The following FCHSD2 variants were observed in gnomAD, a reference collection of about 807,000 sequenced individuals.
The protein encoded by FCHSD2 is FCH and double SH3 domains 2.
In FCHSD2, 38 loss-of-function variants were observed where a neutral mutation model predicts 108.1. That is an observed-to-expected ratio of 0.35 (90% CI 0.27 to 0.46). The LOEUF is 0.46. FCHSD2 is among the 20% of genes least tolerant of loss of function. FCHSD2 has a pLI of 1.00. For synonymous variants in FCHSD2, 279 were observed against 314.7 expected (o/e 0.89, Z 1.20); for missense variants, 751 against 897.8 (o/e 0.84, Z 2.09).
At chr11:72,999,567 G>A (rs745683935) in intron 5 of FCHSD2, among the ~76,000 whole-genome samples, 7 of 151,982 alleles carry the variant, frequency 4.6e-5, no homozygotes, top group African/African-American at 1.5e-4. Flanking sequence ...TGATCCACCC[G>A]GCTTGGCCAT....
At chr11:73,088,530 G>A (rs1438509671) in intron 2 of FCHSD2, among the ~76,000 whole-genome samples, 2 of 151,872 alleles carry the variant, frequency 1.3e-5, no homozygotes, top group African/African-American at 4.8e-5. Context: ...TGGTATTATA[G>A]GCTTCCTTTA....
intron 2 of FCHSD2, among the ~76,000 whole-genome samples, chr11:73,118,116 C>T (rs971916475): frequency 6.6e-6 from 1 of 152,142 alleles, no homozygotes; most frequent in African/African-American, 2.4e-5. Context: ...CACGCATTCC[C>T]GAGACCAGCC....
intron 10 of FCHSD2, among the ~76,000 whole-genome samples, chr11:72,894,806 T>G (rs2135259876): frequency 6.6e-6 from 1 of 152,318 alleles, no homozygotes; most frequent in Non-Finnish European, 1.5e-5. Flanking sequence ...TTATTTATAG[T>G]TTTTTCTTTC....
At position 73,113,687 on chromosome 11, in the gene FCHSD2, A is replaced by T. The variant is rs1357043430; in HGVS notation, c.119+26344T>A. Among the ~76,000 whole-genome samples, 3 of 152,118 alleles carry T rather than the reference A, an allele frequency of 2.0e-5. No homozygotes were observed. In the East Asian group the frequency reaches 5.8e-4, roughly 29 times the overall value. ...CTTGTTTGTACCCGTCCTTCTTGGGAAAGTTTTCCAGGCATTTGAAGAAAC... is the reference window on the plus strand; with the variant it reads ...CTTGTTTGTACCCGTCCTTCTTGGGTAAGTTTTCCAGGCATTTGAAGAAAC... On this transcript the variant is annotated intron_variant, in intron 2 of 19. Coordinates refer to ENST00000409418, the MANE Select transcript of FCHSD2 (RefSeq NM_014824.3).
intron 3 of FCHSD2, among the ~76,000 whole-genome samples, chr11:73,076,132 A>G (rs1859545609): frequency 6.6e-6 from 1 of 152,198 alleles, no homozygotes; most frequent in Non-Finnish European, 1.5e-5. Context: ...AAAACAAACA[A>G]AAAAATGTTA....
chr11:73,093,831 C>T (rs1470451631), intron 2 of FCHSD2, among the ~76,000 whole-genome samples: 1 of 152,072 alleles, frequency 6.6e-6, no homozygotes, highest in Non-Finnish European at 1.5e-5. Context: ...TCTCGAACTC[C>T]CGACCTCAGG....
chr11:72,870,899 CAAAAAAAAA>C (rs55827213), intron 12 of FCHSD2, among the ~76,000 whole-genome samples: 13 of 77,020 alleles, frequency 1.7e-4, no homozygotes, highest in East Asian at 8.0e-4. Flanking sequence ...GACTCCGTCT[CAAAAAAAAA>C]AAAAAAAAAA....
At chr11:72,953,638 A>C (rs1050641287) in intron 8 of FCHSD2, among the ~76,000 whole-genome samples, 5 of 149,612 alleles carry the variant, frequency 3.3e-5, no homozygotes, top group African/African-American at 1.2e-4. Context: ...GAAAAAAAAA[A>C]CACAAAAACT....
chr11:73,109,362 A>G lies in FCHSD2; in HGVS notation c.120-25622T>C, dbSNP rs757736183. Among the ~76,000 whole-genome samples the G allele has an allele frequency of 3.3e-5, 5 of 152,332 alleles. No homozygotes were observed. The East Asian group carries it at 5.8e-4, about 18-fold the overall frequency. ...GATTCTCCCAATCCATGAACATGGAATATCTTTCCATTTGTTTGTGTCCTC... is the reference window on the plus strand; with the variant it reads ...GATTCTCCCAATCCATGAACATGGAGTATCTTTCCATTTGTTTGTGTCCTC... On this transcript the variant is annotated intron_variant, in intron 2 of 19. Transcript: ENST00000409418.
Position 72,954,201 on chromosome 11 carries a change from T to A in FCHSD2, c.705+29887A>T, listed in dbSNP as rs993148371. On this transcript the variant is annotated intron_variant, in intron 8 of 19. Coordinates refer to ENST00000409418, the MANE Select transcript of FCHSD2 (RefSeq NM_014824.3). Reference sequence around the variant, plus strand: ...TATTAGCAGTAGATGTGGGGATTTTTTTTTTTTTTTTTTTTTTTTTTTGAG... The same window carrying A: ...TATTAGCAGTAGATGTGGGGATTTTATTTTTTTTTTTTTTTTTTTTTTGAG... Among the ~76,000 whole-genome samples the A allele has an allele frequency of 1.2e-4, 16 of 135,380 alleles. 3 individuals are homozygous for A. The highest frequency in any genetic ancestry group is 4.2e-4 in the East Asian group (2 of 4,730). The allele number at this position is 135,380 out of a possible 152,430, so 88.8% of individuals were successfully genotyped here. A position where few individuals can be genotyped will look rare whatever the true frequency, so the allele number is the denominator to read the frequency against.
chr11:72,857,478 G>A (rs549094870), intron 13 of FCHSD2, among the ~76,000 whole-genome samples: 13 of 123,642 alleles, frequency 1.1e-4, no homozygotes, highest in Admixed American at 8.3e-4. Context: ...CACTCTTGTC[G>A]CCCAGGCTGG....
chr11:73,076,006 C>G (rs1229080752), intron 3 of FCHSD2, among the ~76,000 whole-genome samples: 3 of 151,994 alleles, frequency 2.0e-5, no homozygotes, highest in Non-Finnish European at 4.4e-5. Flanking sequence ...GTAGTCCCAG[C>G]TACTTGGGAG....
chr11:72,951,658 A>G (rs1264791176), intron 8 of FCHSD2, among the ~76,000 whole-genome samples: 1 of 152,138 alleles, frequency 6.6e-6, no homozygotes, highest in Non-Finnish European at 1.5e-5. Context: ...TCTCTATTAC[A>G]TTTATCTTTA....
At chr11:73,006,713 A>C (rs1346074209) in intron 4 of FCHSD2, among the ~76,000 whole-genome samples, 2 of 152,238 alleles carry the variant, frequency 1.3e-5, no homozygotes, top group African/African-American at 4.8e-5. Flanking sequence ...TCTTACCGCC[A>C]ATTGGCATAT....
intron 8 of FCHSD2, among the ~76,000 whole-genome samples, chr11:72,958,991 A>AT (rs879814044): frequency 2.1e-3 from 88 of 41,750 alleles, no homozygotes; most frequent in East Asian, 0.015. Flanking sequence ...CATCAGTAAG[A>AT]TATGTGTGTG....
At chr11:73,111,225 T>A (rs1450264431) in intron 2 of FCHSD2, among the ~76,000 whole-genome samples, 1 of 152,200 alleles carries the variant, frequency 6.6e-6, no homozygotes, top group African/African-American at 2.4e-5. Context: ...GTTTCTTCGC[T>A]GATTTTCTGT....
intron 8 of FCHSD2, among the ~76,000 whole-genome samples, chr11:72,967,903 A>C (rs1014043891): frequency 3.3e-5 from 5 of 152,056 alleles, no homozygotes; most frequent in East Asian, 3.9e-4. Context: ...CATCCTGGCT[A>C]ACGCGGTGAA....
chr11:73,004,557 T>C (rs916071261), intron 4 of FCHSD2, among the ~76,000 whole-genome samples: 6 of 152,170 alleles, frequency 3.9e-5, no homozygotes, highest in Non-Finnish European at 7.3e-5. Context: ...TTCAGTTCAT[T>C]ACCCAGCTTA....
intron 13 of FCHSD2, among the ~76,000 whole-genome samples, chr11:72,850,436 G>T (rs1013722898): frequency 6.6e-6 from 1 of 151,196 alleles, no homozygotes; most frequent in African/African-American, 2.4e-5. Flanking sequence ...GAGTGTAGTG[G>T]CGTGATCTCG....
Sources: gnomAD v4.1 joint callset for allele counts (sites outside exome capture counted in the v4.1 genomes callset) on GRCh38, gnomAD v4.1.1 for gene constraint, MANE v1.5 for transcripts, NCBI Gene and HGNC (gene_info 2026-07-23, HGNC 2026-07-21) for gene names.